Variants in KAT2A observed in about 807,000 individuals in gnomAD.
KAT2A encodes lysine acetyltransferase 2A, also known as histone acetyltransferase KAT2A.
Under a neutral mutation model 95.2 loss-of-function variants are expected in KAT2A, and 42 were observed. That is an observed-to-expected ratio of 0.44 (90% CI 0.34 to 0.57). KAT2A has a LOEUF of 0.57. Among genes scored for constraint, KAT2A ranks in the 20% least tolerant of loss-of-function variants. The pLI is 0.01. For synonymous variants in KAT2A, 449 were observed against 448.2 expected (o/e 1.00, Z -0.02); for missense variants, 784 against 1,126.3 (o/e 0.70, Z 4.35).
rs1555665500 is a variant in KAT2A, at chr17:42,114,294, G to C, written c.2172-12C>G. Reference sequence around the variant, plus strand: ...CCTTCAGCTCCTTCCTGGGGCGAGAGACACCAAGTCTGAGGCTCCAAGTCC... The same window carrying C: ...CCTTCAGCTCCTTCCTGGGGCGAGACACACCAAGTCTGAGGCTCCAAGTCC... On this transcript the variant is annotated splice_polypyrimidine_tract_variant and intron_variant, in intron 15 of 17. Transcript: ENST00000225916. This position sits in a 1 kb window ranked among gnomAD's most constrained non-coding sequence, Gnocchi z 6.0. 6.2e-7 allele frequency: 1 copy of C among 1,612,866 alleles called. No individual in the cohort carries two copies. The highest frequency in any genetic ancestry group is 8.5e-7 in the Non-Finnish European group (1 of 1,179,178).
Position 42,114,351 on chromosome 17 carries a change from C to G in KAT2A, c.2171+7G>C. 1.9e-6 allele frequency: 3 copies of G among 1,613,992 alleles called. No homozygotes were observed. Among genetic ancestry groups the G allele is most frequent in the Non-Finnish European group, 2.5e-6 (3 of 1,179,936 alleles). ...CCCACCCCCAACCCGGCTCCTTTGA[C>G]ACTCACCCCTTCTCCTTCCCCAATG... On this transcript the variant is annotated splice_region_variant and intron_variant, in intron 15 of 17. Coordinates refer to ENST00000225916, the MANE Select transcript of KAT2A (RefSeq NM_021078.3). This position sits in a 1 kb window ranked among gnomAD's most constrained non-coding sequence, Gnocchi z 6.0.
Position 42,119,052 on chromosome 17 carries a change from A to C in KAT2A, c.1073+193T>G. On this transcript the variant is annotated intron_variant, in intron 6 of 17. Transcript: ENST00000225916. This position sits in a 1 kb window ranked among gnomAD's most constrained non-coding sequence, Gnocchi z 5.3. ...GGGGCAGCGTTAGCTTGGGCTATGT[A>C]CCTGCCATCCCCAGACTAGTACTAG... 1 of 1,429,524 alleles carries C rather than the reference A, an allele frequency of 7.0e-7. No homozygotes were observed. The highest frequency in any genetic ancestry group is 1.6e-5 in the South Asian group (1 of 62,334). The allele number at this position is 1,429,524 out of a possible 1,614,324, so 88.6% of individuals were successfully genotyped here. A position where few individuals can be genotyped will look rare whatever the true frequency, so the allele number is the denominator to read the frequency against.
At position 42,117,101 on chromosome 17, in the gene KAT2A, G is replaced by T; in HGVS notation, c.1698C>A (p.Arg566=). The stretch of plus-strand genomic sequence containing the variant: ...CCGTGAAGCCCTGGGTGGGAAACAT[G>T]CGGAAGCAGATGCCACCGATGACCC... ...DGRVIGGICF[R]MFPTQGFTEI... is the part of the protein sequence containing the mutation. The change falls in exon 11 of 18, where the codon CGC becomes CGA. Residue 566 remains arginine, a synonymous_variant. Transcript: ENST00000225916. This position sits in a 1 kb window ranked among gnomAD's most constrained non-coding sequence, Gnocchi z 8.9. 1 of 1,614,186 alleles carries T rather than the reference G, an allele frequency of 6.2e-7. No individual in the cohort carries two copies. The highest frequency in any genetic ancestry group is 8.5e-7 in the Non-Finnish European group (1 of 1,180,040).
chr17:42,116,955 C>T, intron 11 of KAT2A, 80 bp downstream of exon 11: 1 of 1,546,226 alleles, frequency 6.5e-7, no homozygotes, highest in Non-Finnish European at 8.8e-7. Flanking sequence ...TGCTGCATGC[C>T]ACACATCCTG....
In KAT2A at chr17:42,114,654, C is replaced by T. The variant is rs782379141; in HGVS notation, c.2020-50G>A. 6.6e-7 allele frequency: 1 copy of T among 1,509,360 alleles called. No homozygotes were observed. Among genetic ancestry groups the T allele is most frequent in the Admixed American group, 1.7e-5 (1 of 59,320 alleles). 93.5% of individuals were successfully genotyped at this position (1,509,360 alleles called of 1,614,324 possible). A position where few individuals can be genotyped will look rare whatever the true frequency, so the allele number is the denominator to read the frequency against. ...GCCAACTCCAGCCCCAACAACAACC[C>T]CTCCCAGGGCCACAGTCGGAGCCAC... On this transcript the variant is annotated intron_variant, in intron 13 of 17. Coordinates refer to ENST00000225916, the MANE Select transcript of KAT2A (RefSeq NM_021078.3). This position sits in a 1 kb window ranked among gnomAD's most constrained non-coding sequence, Gnocchi z 6.0.
At position 42,114,736 on chromosome 17, in the gene KAT2A, C is replaced by T; in HGVS notation, c.2020-132G>A. 1 of 1,173,988 alleles carries T rather than the reference C, an allele frequency of 8.5e-7. No homozygotes were observed. Among genetic ancestry groups the T allele is most frequent in the South Asian group, 1.4e-5 (1 of 73,422 alleles). 72.7% of individuals were successfully genotyped at this position (1,173,988 alleles called of 1,614,324 possible). ...AATCCAGCACCTCCCCTCATAACTT[C>T]CCCAAGGGAGCAGAGCAAGAGCCAA... On this transcript the variant is annotated intron_variant, in intron 13 of 17. Coordinates refer to ENST00000225916, the MANE Select transcript of KAT2A (RefSeq NM_021078.3). This position sits in a 1 kb window ranked among gnomAD's most constrained non-coding sequence, Gnocchi z 6.0.
Position 42,114,286 on chromosome 17 carries a change from G to A in KAT2A, c.2172-4C>T, listed in dbSNP as rs782416165. The stretch of plus-strand genomic sequence containing the variant: ...GTCGGGGTCCTTCAGCTCCTTCCTG[G>A]GGCGAGAGACACCAAGTCTGAGGCT... On this transcript the variant is annotated splice_polypyrimidine_tract_variant and splice_region_variant and intron_variant, in intron 15 of 17. Coordinates refer to ENST00000225916, the MANE Select transcript of KAT2A (RefSeq NM_021078.3). The surrounding 1 kb of genome is among the most constrained non-coding windows in gnomAD (Gnocchi z 6.0). 6.2e-7 allele frequency: 1 copy of A among 1,612,206 alleles called. No homozygotes were observed. The highest frequency in any genetic ancestry group is 8.5e-7 in the Non-Finnish European group (1 of 1,178,796).
chr17:42,113,722 T>C lies in KAT2A; in HGVS notation c.2441A>G (p.Tyr814Cys). Reference protein sequence around the residue: ...CREYNPPDSEYCRCASALEKF... With the variant: ...CREYNPPDSECCRCASALEKF... ...CTCCAGGGCGCTGGCACAGCGGCAG[T>C]ACTCGCTGTCCGGGGGGTTGTACTC... is the stretch of plus-strand genomic sequence containing the variant. The change falls in exon 18 of 18, where the codon TAC (tyrosine) becomes TGC (cysteine). Residue 814 changes from tyrosine to cysteine, a missense_variant. Transcript: ENST00000225916. The C allele has an allele frequency of 6.2e-7, 1 of 1,611,950 alleles. No individual in the cohort carries two copies. The highest frequency in any genetic ancestry group is 8.5e-7 in the Non-Finnish European group (1 of 1,179,286).
In KAT2A at chr17:42,119,101, A is replaced by C; in HGVS notation, c.1073+144T>G. 1 of 1,498,092 alleles carries C rather than the reference A, an allele frequency of 6.7e-7. No homozygotes were observed. Among genetic ancestry groups the C allele is most frequent in the Non-Finnish European group, 8.9e-7 (1 of 1,125,362 alleles). 92.8% of individuals were successfully genotyped at this position (1,498,092 alleles called of 1,614,324 possible). ...AGCAAGTTGCTTCTGGGCCATGGGC[A>C]AGTCTGCCAGGTAGACGCCCAGATC... On this transcript the variant is annotated intron_variant, in intron 6 of 17. Coordinates refer to ENST00000225916, the MANE Select transcript of KAT2A (RefSeq NM_021078.3). The surrounding 1 kb of genome is among the most constrained non-coding windows in gnomAD (Gnocchi z 5.3).
intron 2 of KAT2A, 102 bp from the exon 3 acceptor site, chr17:42,120,472 A>C: frequency 7.5e-7 from 1 of 1,328,994 alleles, no homozygotes; most frequent in Non-Finnish European, 1.1e-6. Flanking sequence ...TGTTCCTCCA[A>C]CCAGTGTGAC....
Position 42,119,463 on chromosome 17 carries a change from A to G in KAT2A, c.882-27T>C. 10 of 1,593,978 alleles carry G rather than the reference A, an allele frequency of 6.3e-6. No individual in the cohort carries two copies. The highest frequency in any genetic ancestry group is 8.6e-6 in the Non-Finnish European group (10 of 1,166,684). On this transcript the variant is annotated intron_variant, in intron 5 of 17. Transcript: ENST00000225916. The surrounding 1 kb of genome is among the most constrained non-coding windows in gnomAD (Gnocchi z 5.3). ...TGGAGTAGGGGGTCGAGGGGGAGACAGGTGAGGGCGGAAACCACTGAACCC... is the reference window on the plus strand; with the variant it reads ...TGGAGTAGGGGGTCGAGGGGGAGACGGGTGAGGGCGGAAACCACTGAACCC...
In KAT2A at chr17:42,114,812, G is replaced by T; in HGVS notation, c.2019+80C>A. On this transcript the variant is annotated intron_variant, in intron 13 of 17. Coordinates refer to ENST00000225916, the MANE Select transcript of KAT2A (RefSeq NM_021078.3). The surrounding 1 kb of genome is among the most constrained non-coding windows in gnomAD (Gnocchi z 6.0). ...ACACACATATATGCATGTAGACGTA[G>T]AACAGGTCTACACACGTGTGCTCGC... 6.9e-7 allele frequency: 1 copy of T among 1,443,364 alleles called. No individual in the cohort carries two copies. Among genetic ancestry groups the T allele is most frequent in the South Asian group, 1.2e-5 (1 of 83,834 alleles). 89.4% of individuals were successfully genotyped at this position (1,443,364 alleles called of 1,614,324 possible).
At position 42,116,527 on chromosome 17, in the gene KAT2A, GGGTGAAACCCTGCAACAT is replaced by G. The variant is rs536879673; in HGVS notation, c.1764+490_1764+507del. Among the ~76,000 whole-genome samples the G allele has an allele frequency of 6.8e-3, 1,042 of 152,242 alleles. 7 individuals are homozygous for G. Among genetic ancestry groups the G allele is most frequent in the South Asian group, 0.015 (72 of 4,824 alleles). ...AAGGTCAGGAGTTAGAGACCAGCCT[GGGTGAAACCCTGCAACAT>G]GGTGAAACCCTGTCTCTACTAAAAT... On this transcript the variant is annotated intron_variant, in intron 11 of 17. Transcript: ENST00000225916.
rs1194606152 is a variant in KAT2A, at chr17:42,117,411, A to G, written c.1614T>C (p.Tyr538=). Residue 538 remains tyrosine, a synonymous_variant, in exon 10 of 18, where the codon TAT becomes TAC. Coordinates refer to ENST00000225916, the MANE Select transcript of KAT2A (RefSeq NM_021078.3). This position sits in a 1 kb window ranked among gnomAD's most constrained non-coding sequence, Gnocchi z 8.9. ...ACGGGTCAAAGACGAGGCGGGCGAT[A>G]TACTCCTTAGGCATGCGCGGCAGCT... ...SHQLPRMPKE[Y]IARLVFDPKH... is the part of the protein sequence containing the mutation. 12 of 1,613,488 alleles carry G rather than the reference A, an allele frequency of 7.4e-6. No individual in the cohort carries two copies. The highest frequency in any genetic ancestry group is 8.5e-6 in the Non-Finnish European group (10 of 1,179,920).
Position 42,114,059 on chromosome 17 carries a change from A to G in KAT2A, c.2261T>C (p.Met754Thr). The G allele has an allele frequency of 6.5e-7, 1 of 1,530,508 alleles. No individual in the cohort carries two copies. The highest frequency in any genetic ancestry group is 1.2e-5 in the South Asian group (1 of 80,738). 94.8% of individuals were successfully genotyped at this position (1,530,508 alleles called of 1,614,324 possible). ...IKSHPSAWPF[M>T]EPVKKSEAPD... ...GGCCTCCGACTTCTTCACAGGCTCC[A>G]TGAAGGGCCAGGCACTGGGGTGAGA... The change falls in exon 17 of 18, where the codon ATG becomes ACG. Residue 754 changes from methionine (M) to threonine (T), a missense_variant. Around this residue, in one of 6 missense-constraint regions of KAT2A, gnomAD observed 195 missense variants for 247.1 expected, o/e 0.79. Coordinates refer to ENST00000225916, the MANE Select transcript of KAT2A (RefSeq NM_021078.3). The surrounding 1 kb of genome is among the most constrained non-coding windows in gnomAD (Gnocchi z 6.0).
intron 2 of KAT2A, 53 bp downstream of exon 2, chr17:42,120,653 T>C: frequency 2.5e-6 from 4 of 1,607,546 alleles, no homozygotes; most frequent in Non-Finnish European, 2.5e-6. Flanking sequence ...TGTCACCCTG[T>C]CCAAGCAGGA....
rs374034171 is a variant in KAT2A, at chr17:42,121,342, G to C, written c.-38C>G. On this transcript the variant is annotated 5_prime_UTR_variant, in exon 1 of 18. Coordinates refer to ENST00000225916, the MANE Select transcript of KAT2A (RefSeq NM_021078.3). ...AGCGGAGAGCGGCGCCGCGCTCCCAGCCCTAGGGCCGCATGGGCAACCAGC... is the reference window on the plus strand; with the variant it reads ...AGCGGAGAGCGGCGCCGCGCTCCCACCCCTAGGGCCGCATGGGCAACCAGC... The C allele has an allele frequency of 2.2e-6, 3 of 1,355,072 alleles. No individual in the cohort carries two copies. Among genetic ancestry groups the C allele is most frequent in the Non-Finnish European group, 2.8e-6 (3 of 1,060,642 alleles). The allele number at this position is 1,355,072 out of a possible 1,614,324, so 83.9% of individuals were successfully genotyped here. A position where few individuals can be genotyped will look rare whatever the true frequency, so the allele number is the denominator to read the frequency against.
chr17:42,116,926 T>A, intron 11 of KAT2A, 109 bp downstream of exon 11: 1 of 1,371,478 alleles, frequency 7.3e-7, no homozygotes, highest in South Asian at 1.3e-5. Context: ...GGCCGCTAAC[T>A]AAGAGAAGAG....
intron 17 of KAT2A, 74 bp downstream of exon 17, chr17:42,113,926 G>A (rs1307406796): frequency 2.0e-6 from 3 of 1,474,212 alleles, no homozygotes; most frequent in Non-Finnish European, 2.7e-6. Flanking sequence ...CCCTGGGGCT[G>A]CAGGGCGCAG....
Sources: gnomAD v4.1 joint callset for allele counts (sites outside exome capture counted in the v4.1 genomes callset) on GRCh38, gnomAD v4.1.1 for gene constraint, gnomAD v4.1.1 regional missense constraint, Gnocchi (gnomAD v3.1) non-coding constraint, MANE v1.5 for transcripts, NCBI Gene and HGNC (gene_info 2026-07-23, HGNC 2026-07-21) for gene names.